Variants in GRB14 observed in about 807,000 individuals in gnomAD.
GRB14 encodes the protein growth factor receptor bound protein 14.
In GRB14, 38 loss-of-function variants were observed where a neutral mutation model predicts 69.1. The observed-to-expected ratio is 0.55, with a 90% confidence interval of 0.42 to 0.72. GRB14 has a LOEUF of 0.72. GRB14 is among the 30% of genes least tolerant of loss of function. The probability of loss-of-function intolerance (pLI) is 0.00; values close to 1 mark genes in which losing one functional copy is unlikely to be tolerated. For synonymous variants in GRB14, 247 were observed against 241.3 expected, an observed-to-expected ratio of 1.02 and a Z score of -0.22; for missense variants, 666 against 666.1, an observed-to-expected ratio of 1.00 and a Z score of 0.00.
chr2:164,578,231 T>G (rs1301115195), intron 2 of GRB14, among the ~76,000 whole-genome samples: 2 of 145,836 alleles, frequency 1.4e-5, no homozygotes, highest in East Asian at 2.0e-4. Flanking sequence ...AGACTCTGTC[T>G]AAAAAAAAAA....
chr2:164,580,356 G>C (rs1354093455), intron 2 of GRB14, among the ~76,000 whole-genome samples: 3 of 151,104 alleles, frequency 2.0e-5, no homozygotes, highest in African/African-American at 7.3e-5. Flanking sequence ...GCTTCCCAAA[G>C]TGCTGGGACT....
chr2:164,565,491 G>A (rs954048425), intron 2 of GRB14, among the ~76,000 whole-genome samples: 20 of 152,232 alleles, frequency 1.3e-4, no homozygotes, highest in Admixed American at 7.2e-4. Flanking sequence ...TCTAGGAGAA[G>A]CATACTGGAA....
chr2:164,494,455 T>A lies in GRB14; in HGVS notation c.1452A>T (p.Lys484Asn), dbSNP rs1686839217. Residue 484 changes from lysine to asparagine, a missense_variant, in exon 13 of 14, where the codon AAA becomes AAT. Lys to Asn is a moderately conservative substitution (Grantham distance 94, BLOSUM62 0). Transcript: ENST00000263915. Reference protein sequence around the residue: ...TFVLSMSHGQKIKHFQIIPVE... With the variant: ...TFVLSMSHGQNIKHFQIIPVE... ...CTGGTATAATTTGAAAGTGCTTTAT[T>A]TTTTGTCCATGACTCATTGACAGTA... is the stretch of plus-strand genomic sequence containing the variant. The A allele has an allele frequency of 1.9e-6, 3 of 1,595,210 alleles. No individual in the cohort carries two copies. Among genetic ancestry groups the A allele is most frequent in the Non-Finnish European group, 2.6e-6 (3 of 1,163,080 alleles).
intron 6 of GRB14, among the ~76,000 whole-genome samples, chr2:164,517,068 A>C (rs1687510090): frequency 2.0e-5 from 3 of 152,172 alleles, no homozygotes; most frequent in African/African-American, 7.2e-5. Flanking sequence ...CTTTATCAGC[A>C]TGAGACTGGG....
At chr2:164,541,775 T>C (rs1407397198) in intron 3 of GRB14, among the ~76,000 whole-genome samples, 2 of 152,148 alleles carry the variant, frequency 1.3e-5, no homozygotes, top group Non-Finnish European at 2.9e-5. Context: ...TACTGTGTGA[T>C]GCTGAGGTCT....
At chr2:164,574,711 A>C (rs1008629721) in intron 2 of GRB14, among the ~76,000 whole-genome samples, 1 of 152,080 alleles carries the variant, frequency 6.6e-6, no homozygotes, top group African/African-American at 2.4e-5. Flanking sequence ...AGGCTGAGAC[A>C]GGAGGATGGC....
intron 2 of GRB14, among the ~76,000 whole-genome samples, chr2:164,607,335 G>C (rs1690064699): frequency 6.6e-6 from 1 of 152,124 alleles, no homozygotes; most frequent in South Asian, 2.1e-4. Context: ...TGAAGTGCTA[G>C]GCATAATTCT....
intron 6 of GRB14, among the ~76,000 whole-genome samples, chr2:164,513,608 T>C (rs1687396686): frequency 2.0e-5 from 3 of 152,244 alleles, no homozygotes; most frequent in African/African-American, 7.2e-5. Context: ...AAATAAATAA[T>C]GGATGTACAT....
At chr2:164,511,796 C>T (rs903983913) in intron 6 of GRB14, among the ~76,000 whole-genome samples, 2 of 152,084 alleles carry the variant, frequency 1.3e-5, no homozygotes, top group African/African-American at 4.8e-5. Context: ...GATGCTAGCT[C>T]GGCCACAGAT....
chr2:164,573,958 G>T, intron 2 of GRB14: 1 of 1,610,040 alleles, frequency 6.2e-7, no homozygotes, highest in East Asian at 2.3e-5. Context: ...TGATTGAAAA[G>T]ACCAAAAGCC....
chr2:164,621,178 C>G lies in GRB14; in HGVS notation c.132G>C (p.Trp44Cys). ...GDAHDLAPAP[W>C]LHARALLPLP... ...GGGGCAGGAGCGCTCGCGCGTGCAG[C>G]CAGGGGGCCGGCGCCAGGTCGTGGG... The change falls in exon 1 of 14, where the codon TGG becomes TGC. Residue 44 changes from tryptophan to cysteine, a missense_variant. Coordinates refer to ENST00000263915, the MANE Select transcript of GRB14 (RefSeq NM_004490.3). This position sits in a 1 kb window ranked among gnomAD's most constrained non-coding sequence, Gnocchi z 6.0. The G allele has an allele frequency of 8.0e-7, 1 of 1,243,866 alleles. No individual in the cohort carries two copies. The highest frequency in any genetic ancestry group is 1.0e-6 in the Non-Finnish European group (1 of 988,170). The allele number at this position is 1,243,866 out of a possible 1,614,324, so 77.1% of individuals were successfully genotyped here.
At chr2:164,579,179 A>T (rs1374526581) in intron 2 of GRB14, among the ~76,000 whole-genome samples, 2 of 152,208 alleles carry the variant, frequency 1.3e-5, no homozygotes, top group Non-Finnish European at 2.9e-5. Flanking sequence ...GCCAAAAGAC[A>T]TAATAAAGAT....
At position 164,621,046 on chromosome 2, in the gene GRB14, C is replaced by T. The variant is rs1204277997; in HGVS notation, c.191+73G>A. ...CAGCTCTGGGCACATGGCTCACCCC[C>T]TAGGACCGCCTCCTCACCCCCTCGC... is the stretch of plus-strand genomic sequence containing the variant. On this transcript the variant is annotated intron_variant, in intron 1 of 13. Transcript: ENST00000263915. The surrounding 1 kb of genome is among the most constrained non-coding windows in gnomAD (Gnocchi z 6.0). 2 of 1,204,050 alleles carry T rather than the reference C, an allele frequency of 1.7e-6. No homozygotes were observed. Among genetic ancestry groups the T allele is most frequent in the South Asian group, 8.6e-5 (2 of 23,348 alleles). 74.6% of individuals were successfully genotyped at this position (1,204,050 alleles called of 1,614,324 possible).
chr2:164,533,844 G>A (rs1294307690), intron 3 of GRB14, among the ~76,000 whole-genome samples: 1 of 151,962 alleles, frequency 6.6e-6, no homozygotes, highest in Non-Finnish European at 1.5e-5. Context: ...ACCAAGAAGT[G>A]GAATCTAGTC....
At chr2:164,574,021 CAT>C (rs1689183828) in intron 2 of GRB14, 1 of 1,433,740 alleles carries the variant, frequency 7.0e-7, no homozygotes. Context: ...AAATTCTTAA[CAT>C]AGATTGTTGC....
intron 4 of GRB14, among the ~76,000 whole-genome samples, chr2:164,525,912 G>C (rs966403871): frequency 7.2e-5 from 11 of 151,922 alleles, no homozygotes; most frequent in African/African-American, 2.7e-4. Flanking sequence ...AATGTGTCCA[G>C]ACATTGTCCA....
chr2:164,502,417 T>C, intron 8 of GRB14, 82 bp from the exon 9 acceptor site: 1 of 823,298 alleles, frequency 1.2e-6, no homozygotes, highest in Non-Finnish European at 2.0e-6. Context: ...TCATCAATTA[T>C]ACAATATAAA....
chr2:164,510,585 G>A (rs2105269092), intron 6 of GRB14, among the ~76,000 whole-genome samples: 1 of 152,210 alleles, frequency 6.6e-6, no homozygotes, highest in Admixed American at 6.5e-5. Flanking sequence ...ACATTAGGAG[G>A]GGCAGAGCAA....
In GRB14 at chr2:164,543,925, A is replaced by G. The variant is rs375143592; in HGVS notation, c.481+3735T>C. On this transcript the variant is annotated intron_variant, in intron 3 of 13. Coordinates refer to ENST00000263915, the MANE Select transcript of GRB14 (RefSeq NM_004490.3). ...TCAATAGTGATTACTCTCCTCTTAC[A>G]TCGGTAAAGAACTGGAAGCTATTAA... 3.5e-4 allele frequency among the ~76,000 whole-genome samples: 54 copies of G among 152,334 alleles called. No individual in the cohort carries two copies. In the East Asian group the frequency reaches 6.4e-3, roughly 18 times the overall value.
Sources: allele counts gnomAD v4.1 joint callset (sites outside exome capture counted in the v4.1 genomes callset), GRCh38; gene constraint gnomAD v4.1.1; non-coding constraint Gnocchi (gnomAD v3.1); transcripts MANE v1.5; gene names NCBI Gene and HGNC (gene_info 2026-07-23, HGNC 2026-07-21).